The following EDIL3 variants were observed in gnomAD, a reference collection of about 807,000 sequenced individuals.
The protein encoded by EDIL3 is EGF-like repeat and discoidin I-like domain-containing protein 3.
In EDIL3, 37 loss-of-function variants were observed where a neutral mutation model predicts 67.4. That is an observed-to-expected ratio of 0.55 (90% CI 0.42 to 0.72). The LOEUF is 0.72. Ranked by LOEUF, EDIL3 falls within the 30% of genes least tolerant of loss-of-function variation. The pLI is 0.00. For missense variants in EDIL3, 527 were observed against 586.3 expected (o/e 0.90, Z 1.04); for synonymous variants, 195 against 196.3 (o/e 0.99, Z 0.05).
chr5:83,979,556 G>C (rs778831196), intron 9 of EDIL3, among the ~76,000 whole-genome samples: 13 of 152,010 alleles, frequency 8.6e-5, no homozygotes, highest in Non-Finnish European at 1.8e-4. Flanking sequence ...GAATACAATA[G>C]AATTATATGT....
chr5:84,278,619 C>T (rs1196055918), intron 1 of EDIL3, among the ~76,000 whole-genome samples: 2 of 152,098 alleles, frequency 1.3e-5, no homozygotes, highest in African/African-American at 2.4e-5. Context: ...TAACATATTT[C>T]GTGTGGGTCC....
At chr5:84,211,236 T>C (rs906552262) in intron 3 of EDIL3, among the ~76,000 whole-genome samples, 1 of 151,784 alleles carries the variant, frequency 6.6e-6, no homozygotes, top group African/African-American at 2.4e-5. Context: ...TGTGCAGGAG[T>C]GAGTCCTCAC....
At chr5:84,078,529 TA>T (rs1746905507) in intron 6 of EDIL3, 3 of 152,296 alleles carry the variant, frequency 2.0e-5, no homozygotes, top group African/African-American at 7.2e-5. Context: ...AATGAAAGGT[TA>T]CACATCAGCT....
At chr5:84,191,535 G>A (rs927758414) in intron 3 of EDIL3, among the ~76,000 whole-genome samples, 2 of 152,020 alleles carry the variant, frequency 1.3e-5, no homozygotes, top group Non-Finnish European at 2.9e-5. Context: ...AAGCAGGCGT[G>A]GATTCTGGCC....
intron 6 of EDIL3, among the ~76,000 whole-genome samples, chr5:84,089,810 C>T (rs147731035): frequency 0.017 from 2,557 of 152,274 alleles, 31 homozygotes; most frequent in Non-Finnish European, 0.027. Flanking sequence ...GTCCGTTGAG[C>T]TTTCTCCATC....
At chr5:83,980,760 A>T (rs1360875596) in intron 9 of EDIL3, among the ~76,000 whole-genome samples, 1 of 149,860 alleles carries the variant, frequency 6.7e-6, no homozygotes. Context: ...GAATCCACTA[A>T]GAAATATTAG....
At position 84,026,682 on chromosome 5, in the gene EDIL3, C is replaced by T. The variant is rs571902404; in HGVS notation, c.1137+33618G>A. 2.6e-5 allele frequency among the ~76,000 whole-genome samples: 4 copies of T among 152,276 alleles called. No individual in the cohort carries two copies. In the South Asian group the frequency reaches 6.2e-4, roughly 24 times the overall value. ...CTTATTTTCACTTGATTATTTCCAA[C>T]TGTAATTTTCACCGTGAACTAAATA... is the stretch of plus-strand genomic sequence containing the variant. On this transcript the variant is annotated intron_variant, in intron 9 of 10. Coordinates refer to ENST00000296591, the MANE Select transcript of EDIL3 (RefSeq NM_005711.5).
intron 1 of EDIL3, among the ~76,000 whole-genome samples, chr5:84,306,606 T>C (rs1450068241): frequency 6.6e-6 from 1 of 152,234 alleles, no homozygotes; most frequent in Non-Finnish European, 1.5e-5. Flanking sequence ...AGGTTTGTAC[T>C]AAATCATGAG....
intron 1 of EDIL3, among the ~76,000 whole-genome samples, chr5:84,329,642 TTAC>T (rs1746831587): frequency 1.3e-5 from 2 of 152,142 alleles, no homozygotes; most frequent in Non-Finnish European, 2.9e-5. Flanking sequence ...AATTAATAAG[TTAC>T]TATTGGTATT....
intron 6 of EDIL3, among the ~76,000 whole-genome samples, chr5:84,101,602 G>A (rs147361487): frequency 8.6e-5 from 13 of 151,956 alleles, no homozygotes; most frequent in South Asian, 2.1e-4. Flanking sequence ...GGAAATATAC[G>A]CCCTCCCAAA....
chr5:84,193,729 G>C (rs1743639483), intron 3 of EDIL3, among the ~76,000 whole-genome samples: 1 of 151,870 alleles, frequency 6.6e-6, no homozygotes, highest in South Asian at 2.1e-4. Flanking sequence ...CTGCTTTGTG[G>C]TATTAATGAA....
chr5:84,066,654 A>G (rs747554903), intron 6 of EDIL3, 48 bp from the exon 7 acceptor site: 1 of 1,569,674 alleles, frequency 6.4e-7, no homozygotes, highest in Non-Finnish European at 8.6e-7. Flanking sequence ...TTTCAGGATA[A>G]CAATACTGAA....
intron 3 of EDIL3, among the ~76,000 whole-genome samples, chr5:84,197,200 C>T (rs1411889697): frequency 6.6e-6 from 1 of 151,808 alleles, no homozygotes; most frequent in Non-Finnish European, 1.5e-5. Context: ...AGATTATAGA[C>T]AAATAAATAG....
chr5:84,042,496 G>T (rs1003452334), intron 9 of EDIL3, among the ~76,000 whole-genome samples: 2 of 152,074 alleles, frequency 1.3e-5, no homozygotes, highest in African/African-American at 4.8e-5. Flanking sequence ...TGGCCAGGCT[G>T]GTCTTGAACT....
chr5:84,064,998 C>G (rs562308017), intron 7 of EDIL3, among the ~76,000 whole-genome samples, 154 bp from the exon 8 acceptor site: 5 of 152,270 alleles, frequency 3.3e-5, no homozygotes, highest in African/African-American at 1.2e-4. Flanking sequence ...TTGCCATGAG[C>G]ACTGAATATA....
At chr5:84,170,220 C>A (rs1399924491) in intron 4 of EDIL3, among the ~76,000 whole-genome samples, 1 of 152,146 alleles carries the variant, frequency 6.6e-6, no homozygotes, top group African/African-American at 2.4e-5. Context: ...GCATCTGTCT[C>A]CAAATAGCCT....
At chr5:84,281,282 G>A (rs2121106) in intron 1 of EDIL3, among the ~76,000 whole-genome samples, 91,010 of 151,974 alleles carry the variant, frequency 0.6, 27,467 homozygotes, top group East Asian at 0.82. Flanking sequence ...GTCTAAATCA[G>A]TTTAAAGTAG....
chr5:84,307,166 G>T (rs180977937), intron 1 of EDIL3, among the ~76,000 whole-genome samples: 66 of 152,300 alleles, frequency 4.3e-4, no homozygotes, highest in African/African-American at 1.4e-3. Flanking sequence ...ATTCCAAAGT[G>T]AGTGATAGGA....
At chr5:84,365,512 AGAATG>A (rs1303442864) in intron 1 of EDIL3, among the ~76,000 whole-genome samples, 1 of 152,200 alleles carries the variant, frequency 6.6e-6, no homozygotes, top group Non-Finnish European at 1.5e-5. Context: ...GTCTATCTTC[AGAATG>A]GAAAGTAAGC....
Sources: gnomAD v4.1 joint callset for allele counts (sites outside exome capture counted in the v4.1 genomes callset) on GRCh38, gnomAD v4.1.1 for gene constraint, MANE v1.5 for transcripts, NCBI Gene and HGNC (gene_info 2026-07-23, HGNC 2026-07-21) for gene names.